The following NR2C2 variants were observed in gnomAD, a reference collection of about 807,000 sequenced individuals.
NR2C2 encodes Nuclear hormone receptor TR4.
A neutral mutation model predicts 62.9 loss-of-function variants in NR2C2; 6 were observed. That is an observed-to-expected ratio of 0.10 (90% confidence interval 0.05 to 0.19). NR2C2 has a LOEUF of 0.19. Among genes scored for constraint, NR2C2 ranks in the 10% least tolerant of loss-of-function variants. NR2C2 has a pLI of 1.00. For synonymous variants in NR2C2, 272 were observed against 273.8 expected, an observed-to-expected ratio of 0.99 and a Z score of 0.07; for missense variants, 479 against 762.7, an observed-to-expected ratio of 0.63 and a Z score of 4.38.
Position 15,036,527 on chromosome 3 carries a change from G to A in NR2C2, c.1373-1473G>A, listed in dbSNP as rs934765347. Among the ~76,000 whole-genome samples, 7 of 152,096 alleles carry A rather than the reference G, an allele frequency of 4.6e-5. No homozygotes were observed. In the South Asian group the frequency reaches 6.2e-4, roughly 14 times the overall value. ...GTTTGTTTTTTGATACAGTCTCTCT[G>A]TGTTGCCAGGCTGGAGTGCAGTAGC... On this transcript the variant is annotated intron_variant, in intron 11 of 13. Coordinates refer to ENST00000425241, the MANE Select transcript of NR2C2 (RefSeq NM_001291694.2).
rs1220550301 is a variant in NR2C2, at chr3:15,044,904, A to G, written c.*1896A>G. 2 of 152,242 alleles carry G rather than the reference A, an allele frequency of 1.3e-5. No individual in the cohort carries two copies. The highest frequency in any genetic ancestry group is 2.4e-5 in the African/African-American group (1 of 41,456). The allele number at this position is 152,242 out of a possible 1,614,324, so 9.4% of individuals were successfully genotyped here. On this transcript the variant is annotated 3_prime_UTR_variant, in exon 14 of 14. Transcript: ENST00000425241. ...AGTGGGAACAGTGTTTCCAACTTCT[A>G]AATTCTTGTTTGGATTTAATTATAT...
intron 4 of NR2C2, among the ~76,000 whole-genome samples, chr3:15,019,679 C>T (rs944166335): frequency 6.6e-6 from 1 of 151,840 alleles, no homozygotes; most frequent in Non-Finnish European, 1.5e-5. Context: ...AATACGATCT[C>T]ACTCATGTGG....
At chr3:15,013,835 A>G in intron 3 of NR2C2, 46 bp downstream of exon 3, 1 of 1,595,254 alleles carries the variant, frequency 6.3e-7, no homozygotes, top group Non-Finnish European at 8.6e-7. Flanking sequence ...CTGCTATTGA[A>G]CTTGTTCCTG....
rs143800576 is a variant in NR2C2, at chr3:15,043,169, G to T, written c.*161G>T. 837 of 516,298 alleles carry T rather than the reference G, an allele frequency of 1.6e-3. 5 individuals carry two copies. Among genetic ancestry groups the T allele is most frequent in the African/African-American group, 0.015 (754 of 50,814 alleles). 32.0% of individuals were successfully genotyped at this position (516,298 alleles called of 1,614,324 possible). ...TAATCCCAGACAATAGCAATTAAAAGACTAGTAGGATCCTTTCCTGACATA... is the reference window on the plus strand; with the variant it reads ...TAATCCCAGACAATAGCAATTAAAATACTAGTAGGATCCTTTCCTGACATA... On this transcript the variant is annotated 3_prime_UTR_variant, in exon 14 of 14. Coordinates refer to ENST00000425241, the MANE Select transcript of NR2C2 (RefSeq NM_001291694.2).
intron 1 of NR2C2, among the ~76,000 whole-genome samples, chr3:14,985,458 CAG>C (rs1425871699): frequency 6.6e-6 from 1 of 152,080 alleles, no homozygotes; most frequent in Non-Finnish European, 1.5e-5. Context: ...ACAATGTAAT[CAG>C]AGGATCTGAT....
In NR2C2 at chr3:15,005,519, C is replaced by CTTT. The variant is rs574293033; in HGVS notation, c.72+1551_72+1553dup. Among the ~76,000 whole-genome samples the CTTT allele has an allele frequency of 5.5e-3, 624 of 114,096 alleles. 10 individuals are homozygous for CTTT. Among genetic ancestry groups the CTTT allele is most frequent in the African/African-American group, 0.019 (546 of 28,728 alleles). 74.9% of individuals were successfully genotyped at this position (114,096 alleles called of 152,430 possible). On this transcript the variant is annotated intron_variant, in intron 2 of 13. Coordinates refer to ENST00000425241, the MANE Select transcript of NR2C2 (RefSeq NM_001291694.2). ...GGTGTGAGCCAGCGTGCGTGGCCAA[C>CTTT]TTTTTTTTTTTTTTTTTTTTAGGAG...
intron 1 of NR2C2, chr3:14,959,321 G>A (rs1404289131): frequency 1.3e-5 from 2 of 152,120 alleles, no homozygotes; most frequent in Non-Finnish European, 2.9e-5. Flanking sequence ...TGATATCCTG[G>A]AAGAAAAAGC....
chr3:14,951,447 T>G (rs538597136), intron 1 of NR2C2, among the ~76,000 whole-genome samples: 2 of 152,312 alleles, frequency 1.3e-5, no homozygotes, highest in Admixed American at 1.3e-4. Context: ...TAAAATAAGA[T>G]ATTGTTATGG....
rs781238882 is a variant in NR2C2, at chr3:15,004,720, C to T, written c.72+734C>T. On this transcript the variant is annotated intron_variant, in intron 2 of 13. Coordinates refer to ENST00000425241, the MANE Select transcript of NR2C2 (RefSeq NM_001291694.2). ...AGCTGAATCAAAAAGCCAATTATAACGGTTGATTTCTCTGTTTTTCTTCTT... is the reference window on the plus strand; with the variant it reads ...AGCTGAATCAAAAAGCCAATTATAATGGTTGATTTCTCTGTTTTTCTTCTT... 59 of 1,297,026 alleles carry T rather than the reference C, an allele frequency of 4.5e-5. No homozygotes were observed. In the Middle Eastern group the frequency reaches 7.7e-4, roughly 17 times the overall value. 80.3% of individuals were successfully genotyped at this position (1,297,026 alleles called of 1,614,324 possible).
intron 1 of NR2C2, among the ~76,000 whole-genome samples, chr3:14,965,270 C>T (rs562768835): frequency 6.6e-6 from 1 of 151,992 alleles, no homozygotes; most frequent in Non-Finnish European, 1.5e-5. Context: ...TCTGTGTTTC[C>T]ACCTGAGGCT....
At chr3:15,018,741 G>T (rs1300005480) in intron 4 of NR2C2, among the ~76,000 whole-genome samples, 1 of 152,006 alleles carries the variant, frequency 6.6e-6, no homozygotes, top group African/African-American at 2.4e-5. Flanking sequence ...TTTTGGCAGG[G>T]TGCGGTGTCT....
intron 7 of NR2C2, among the ~76,000 whole-genome samples, chr3:15,024,872 A>G (rs1481006888): frequency 2.6e-5 from 4 of 152,236 alleles, no homozygotes. Context: ...CATTGCTGCA[A>G]CCATTAGAAC....
chr3:15,028,404 A>G (rs949781436), intron 7 of NR2C2, among the ~76,000 whole-genome samples, 182 bp from the exon 8 acceptor site: 12 of 152,172 alleles, frequency 7.9e-5, no homozygotes, highest in Admixed American at 6.5e-5. Flanking sequence ...ATTTGTGTAA[A>G]TACCACCACA....
At chr3:14,983,062 G>T (rs1345187068) in intron 1 of NR2C2, among the ~76,000 whole-genome samples, 1 of 152,056 alleles carries the variant, frequency 6.6e-6, no homozygotes, top group Non-Finnish European at 1.5e-5. Flanking sequence ...TTACATCAGG[G>T]TAAATGGGAT....
At chr3:15,015,843 C>G (rs1054740356) in intron 3 of NR2C2, among the ~76,000 whole-genome samples, 1 of 152,132 alleles carries the variant, frequency 6.6e-6, no homozygotes, top group Non-Finnish European at 1.5e-5. Context: ...ACTCTGTCAC[C>G]CAGCCTGGAG....
intron 1 of NR2C2, among the ~76,000 whole-genome samples, chr3:14,995,255 C>T (rs138280308): frequency 0.037 from 5,555 of 148,360 alleles, 192 homozygotes; most frequent in Admixed American, 0.089. Flanking sequence ...TGTGGCTTTT[C>T]GTATATTTAC....
intron 1 of NR2C2, among the ~76,000 whole-genome samples, chr3:14,982,778 G>T (rs1304844184): frequency 6.6e-6 from 1 of 151,736 alleles, no homozygotes; most frequent in East Asian, 1.9e-4. Flanking sequence ...ACTTATTCTG[G>T]CAGAGAGCTC....
At chr3:15,013,880 A>G in intron 3 of NR2C2, 91 bp downstream of exon 3, 1 of 1,365,762 alleles carries the variant, frequency 7.3e-7, no homozygotes, top group Non-Finnish European at 1.0e-6. Flanking sequence ...GGCCAAATCC[A>G]TCCCTGGAAG....
At chr3:15,025,267 A>G (rs948164495) in intron 7 of NR2C2, among the ~76,000 whole-genome samples, 1 of 152,236 alleles carries the variant, frequency 6.6e-6, no homozygotes, top group African/African-American at 2.4e-5. Context: ...CCACACACAG[A>G]CTGGGAATGA....
Sources: allele counts gnomAD v4.1 joint callset (sites outside exome capture counted in the v4.1 genomes callset), GRCh38; gene constraint gnomAD v4.1.1; transcripts MANE v1.5; gene names NCBI Gene and HGNC (gene_info 2026-07-23, HGNC 2026-07-21).